Variants in CDH12 observed in about 807,000 individuals in gnomAD.
CDH12 encodes the protein cadherin-12.
A neutral mutation model predicts 74.1 loss-of-function variants in CDH12; 41 were observed. The observed-to-expected ratio is 0.55, with a 90% CI of 0.43 to 0.72. The LOEUF (loss-of-function observed/expected upper bound fraction) is 0.72. CDH12 is among the 30% of genes least tolerant of loss of function. The pLI, the probability that CDH12 is intolerant of heterozygous loss-of-function variation, is 0.00. For synonymous variants in CDH12, 399 were observed against 355.0 expected (o/e 1.12, Z -1.39); for missense variants, 945 against 977.2 (o/e 0.97, Z 0.44).
intron 4 of CDH12, among the ~76,000 whole-genome samples, chr5:22,110,781 C>T (rs1744760289): frequency 6.6e-6 from 1 of 152,150 alleles, no homozygotes; most frequent in Non-Finnish European, 1.5e-5. Context: ...AGATTTCAGG[C>T]TCCTCTATCC....
At chr5:22,419,319 G>T (rs1043589486) in intron 2 of CDH12, among the ~76,000 whole-genome samples, 1 of 151,998 alleles carries the variant, frequency 6.6e-6, no homozygotes, top group Admixed American at 6.6e-5. Context: ...TGCACCCCCT[G>T]ACAGGCCCCA....
At chr5:21,971,540 A>G (rs891011763) in intron 6 of CDH12, among the ~76,000 whole-genome samples, 10 of 152,166 alleles carry the variant, frequency 6.6e-5, no homozygotes, top group Non-Finnish European at 1.5e-4. Flanking sequence ...CTAATTATAA[A>G]TAGTCAAATC....
chr5:22,223,503 T>G (rs917081614), intron 3 of CDH12, among the ~76,000 whole-genome samples: 1 of 152,076 alleles, frequency 6.6e-6, no homozygotes, highest in African/African-American at 2.4e-5. Flanking sequence ...AGTGACCTAA[T>G]CGATGATGGG....
intron 4 of CDH12, among the ~76,000 whole-genome samples, chr5:22,150,937 G>T (rs1312066787): frequency 6.6e-6 from 1 of 152,208 alleles, no homozygotes; most frequent in Non-Finnish European, 1.5e-5. Context: ...GCACTATTGT[G>T]CAGCACACAC....
intron 6 of CDH12, among the ~76,000 whole-genome samples, chr5:21,868,889 T>C (rs78440603): frequency 1.3e-3 from 191 of 152,274 alleles, no homozygotes; most frequent in African/African-American, 4.4e-3. Context: ...GAAAAGGACA[T>C]TAATTTTGAG....
chr5:22,630,454 C>T (rs760976813), intron 1 of CDH12, among the ~76,000 whole-genome samples: 1 of 152,022 alleles, frequency 6.6e-6, no homozygotes, highest in Non-Finnish European at 1.5e-5. Context: ...GTCATATAGA[C>T]CCACGGAACT....
intron 1 of CDH12, among the ~76,000 whole-genome samples, chr5:22,698,723 A>AG (rs1344336659): frequency 0.012 from 203 of 16,332 alleles, 5 homozygotes; most frequent in Middle Eastern, 0.025. Context: ...ATATATATAT[A>AG]TATATATATA....
At chr5:22,437,288 G>C (rs1006536407) in intron 2 of CDH12, among the ~76,000 whole-genome samples, 2 of 151,562 alleles carry the variant, frequency 1.3e-5, no homozygotes, top group African/African-American at 4.8e-5. Context: ...CACAACAAAA[G>C]TAATATAATA....
chr5:22,365,170 C>T (rs942857841), intron 3 of CDH12, among the ~76,000 whole-genome samples: 2 of 152,116 alleles, frequency 1.3e-5, no homozygotes, highest in Admixed American at 6.6e-5. Flanking sequence ...GACTAAATTT[C>T]TAAGGGTATG....
chr5:22,102,938 T>C (rs1186242906), intron 4 of CDH12, among the ~76,000 whole-genome samples: 2 of 152,094 alleles, frequency 1.3e-5, no homozygotes, highest in African/African-American at 2.4e-5. Context: ...TTTAACATAC[T>C]GTAGGAAACA....
At chr5:22,030,309 G>A (rs973067108) in intron 5 of CDH12, among the ~76,000 whole-genome samples, 1 of 152,028 alleles carries the variant, frequency 6.6e-6, no homozygotes, top group African/African-American at 2.4e-5. Context: ...TCTTGAATGA[G>A]ACTTGAAAGT....
intron 5 of CDH12, among the ~76,000 whole-genome samples, chr5:22,035,384 G>GTATA (rs201132497): frequency 6.8e-6 from 1 of 148,042 alleles, no homozygotes; most frequent in African/African-American, 2.6e-5. Flanking sequence ...TCTCTGGCCT[G>GTATA]TGTATATATA....
At chr5:22,265,114 G>C (rs1047118994) in intron 3 of CDH12, among the ~76,000 whole-genome samples, 5 of 152,140 alleles carry the variant, frequency 3.3e-5, no homozygotes, top group African/African-American at 1.2e-4. Context: ...ATGAGCTCTA[G>C]CCAGAGAACA....
intron 2 of CDH12, among the ~76,000 whole-genome samples, chr5:22,497,991 T>C (rs1364185939): frequency 6.6e-6 from 1 of 152,166 alleles, no homozygotes; most frequent in East Asian, 1.9e-4. Context: ...TCTACAAGTT[T>C]CCATCACACT....
intron 5 of CDH12, among the ~76,000 whole-genome samples, chr5:22,069,332 C>T (rs1425719627): frequency 1.3e-5 from 2 of 152,102 alleles, no homozygotes; most frequent in Non-Finnish European, 2.9e-5. Context: ...AGGTGCCAAT[C>T]CCTTGCAGGG....
At chr5:22,508,998 T>A (rs1736501295) in intron 1 of CDH12, among the ~76,000 whole-genome samples, 1 of 152,128 alleles carries the variant, frequency 6.6e-6, no homozygotes, top group African/African-American at 2.4e-5. Context: ...AACTTATAGA[T>A]CTACTTCCTA....
At chr5:22,080,766 G>A (rs1471785823) in intron 4 of CDH12, among the ~76,000 whole-genome samples, 1 of 151,618 alleles carries the variant, frequency 6.6e-6, no homozygotes, top group African/African-American at 2.4e-5. Context: ...AATTAATTTT[G>A]CTTCTTTCTT....
intron 12 of CDH12, among the ~76,000 whole-genome samples, chr5:21,761,009 A>G (rs1744689437): frequency 6.6e-6 from 1 of 152,178 alleles, no homozygotes; most frequent in Non-Finnish European, 1.5e-5. Context: ...AATGCTTTCT[A>G]GCCTGAATGT....
chr5:22,851,234 T>A (rs1434451518), intron 1 of CDH12, among the ~76,000 whole-genome samples: 1 of 152,048 alleles, frequency 6.6e-6, no homozygotes, highest in Non-Finnish European at 1.5e-5. Flanking sequence ...TTTCTCTTTT[T>A]TGTAGGAATT....
Sources: allele counts gnomAD v4.1 joint callset (sites outside exome capture counted in the v4.1 genomes callset), GRCh38; gene constraint gnomAD v4.1.1; transcripts MANE v1.5; gene names NCBI Gene and HGNC (gene_info 2026-07-23, HGNC 2026-07-21).